Variants in IGFN1 observed in about 807,000 individuals in gnomAD.
The protein encoded by IGFN1 is immunoglobulin like and fibronectin type III domain containing 1.
In IGFN1, 253 loss-of-function variants were observed where a neutral mutation model predicts 289.5. The observed-to-expected ratio is 0.87, with a 90% CI of 0.79 to 0.97. The LOEUF (loss-of-function observed/expected upper bound fraction) is 0.97, where lower values mean the gene tolerates loss of function less well. IGFN1 is among the 50% of genes least tolerant of loss of function. The pLI, the probability that IGFN1 is intolerant of heterozygous loss-of-function variation, is 0.00. For synonymous variants in IGFN1, 1,706 were observed against 1,788.5 expected, an observed-to-expected ratio of 0.95 and a Z score of 1.16; for missense variants, 4,470 against 4,686.1, an observed-to-expected ratio of 0.95 and a Z score of 1.35.
intron 5 of IGFN1, 128 bp downstream of exon 5, chr1:201,197,445 T>A: frequency 3.0e-6 from 2 of 657,708 alleles, no homozygotes; most frequent in Non-Finnish European, 2.7e-6. Flanking sequence ...CTGCCGCTGC[T>A]GCAGCCCCAC....
In IGFN1 at chr1:201,216,483, G is replaced by A. The variant is rs1194224504; in HGVS notation, c.9325G>A (p.Glu3109Lys). The part of the protein sequence containing the change: ...DKPDPPQGPM[E>K]VQDCHRAGVC... ...GCCTGATCCCCCACAAGGCCCCATGGAGGTTCAGGATTGCCATAGGGCTGG... is the reference window on the plus strand; with the variant it reads ...GCCTGATCCCCCACAAGGCCCCATGAAGGTTCAGGATTGCCATAGGGCTGG... The change falls in exon 16 of 24, where the codon GAG becomes AAG. Residue 3109 changes from glutamate to lysine, a missense_variant. Glu to Lys is a moderately conservative substitution (Grantham distance 56). Around this residue, in one of 8 missense-constraint regions of IGFN1, gnomAD observed 2,218 missense variants for 2,114.1 expected, o/e 1.05. Coordinates refer to ENST00000335211, the MANE Select transcript of IGFN1 (RefSeq NM_001164586.2). 2 of 1,593,988 alleles carry A rather than the reference G, an allele frequency of 1.3e-6. No homozygotes were observed. The highest frequency in any genetic ancestry group is 3.4e-5 in the Admixed American group (2 of 58,598).
intron 8 of IGFN1, 111 bp from the exon 9 acceptor site, chr1:201,201,607 GC>G (rs1394889924): frequency 6.5e-6 from 4 of 615,248 alleles, no homozygotes; most frequent in Non-Finnish European, 1.2e-5. Context: ...GCCAATGCAT[GC>G]TCATCTGGAA....
chr1:201,206,344 G>T lies in IGFN1; in HGVS notation c.1451G>T (p.Gly484Val), dbSNP rs1488909229. ...GDKGTADSAW[G>V]PGQEGEGFPV... is the part of the protein sequence containing the mutation. ...AAAGGGACAGCTGACTCAGCCTGGG[G>T]CCCTGGACAGGAGGGCGAGGGCTTT... Residue 484 changes from glycine to valine, a missense_variant, in exon 12 of 24, where the codon GGC (glycine) becomes GTC (valine). By Grantham distance (109) the Gly-to-Val change is moderately radical. Transcript: ENST00000335211. 7 of 1,550,362 alleles carry T rather than the reference G, an allele frequency of 4.5e-6. No homozygotes were observed. The highest frequency in any genetic ancestry group is 6.1e-6 in the Non-Finnish European group (7 of 1,146,996).
intron 18 of IGFN1, among the ~76,000 whole-genome samples, chr1:201,220,068 T>C (rs1653623013): frequency 6.9e-6 from 1 of 145,198 alleles, no homozygotes; most frequent in Admixed American, 6.9e-5. Flanking sequence ...TTCTTTTTTT[T>C]CCTTTCTTTC....
rs747100345 is a variant in IGFN1, at chr1:201,226,017, C to A, written c.10680C>A (p.Gly3560=). The change falls in exon 22 of 24, where the codon GGC becomes GGA. Residue 3560 remains glycine, a synonymous_variant. Transcript: ENST00000335211. The part of the protein sequence containing the change: ...RIHTNRFTLL[G]ILPGHEYHFR... ...ACACCAACCGCTTCACCCTCCTGGG[C>A]ATCCTCCCCGGCCACGAATACCACT... 1.3e-6 allele frequency: 2 copies of A among 1,581,958 alleles called. No individual in the cohort carries two copies. Among genetic ancestry groups the A allele is most frequent in the Non-Finnish European group, 1.7e-6 (2 of 1,161,552 alleles).
At position 201,207,638 on chromosome 1, in the gene IGFN1, G is replaced by A; in HGVS notation, c.2745G>A (p.Gly915=). 6.5e-7 allele frequency: 1 copy of A among 1,537,102 alleles called. No homozygotes were observed. The highest frequency in any genetic ancestry group is 8.7e-7 in the Non-Finnish European group (1 of 1,146,886). ...LGDKKGLRGP[G]SIGSEPDFWN... is the part of the protein sequence containing the mutation. ...ATAAGAAAGGATTAAGAGGTCCTGG[G>A]TCAATAGGGTCTGAACCAGATTTCT... The change falls in exon 12 of 24, where the codon GGG becomes GGA. Residue 915 remains glycine (G), a synonymous_variant. Transcript: ENST00000335211.
intron 9 of IGFN1, 63 bp downstream of exon 9, chr1:201,201,895 G>T (rs530081340): frequency 1.3e-6 from 1 of 792,294 alleles, no homozygotes; most frequent in African/African-American, 1.7e-5. Flanking sequence ...CTAGTGGAGA[G>T]GGAACTATGG....
intron 12 of IGFN1, among the ~76,000 whole-genome samples, chr1:201,213,834 T>A (rs1216678175): frequency 6.6e-6 from 1 of 152,068 alleles, no homozygotes; most frequent in Non-Finnish European, 1.5e-5. Context: ...GGCTCAGAGG[T>A]CTCCTAGGTA....
At chr1:201,222,005 A>G in intron 19 of IGFN1, 1 of 340,292 alleles carries the variant, frequency 2.9e-6, no homozygotes. Flanking sequence ...CTGAGGTTCA[A>G]GGTACTTTGC....
chr1:201,228,441 A>C lies in IGFN1; in HGVS notation c.*42A>C. ...GATGGTCCTGGACCCTTGAAGCTTC[A>C]CTTCCGACACCTGCACTGGCCCGGG... On this transcript the variant is annotated 3_prime_UTR_variant, in exon 24 of 24. Coordinates refer to ENST00000335211, the MANE Select transcript of IGFN1 (RefSeq NM_001164586.2). 6.2e-7 allele frequency: 1 copy of C among 1,606,862 alleles called. No individual in the cohort carries two copies. Among genetic ancestry groups the C allele is most frequent in the South Asian group, 1.1e-5 (1 of 90,962 alleles).
chr1:201,208,451 C>A lies in IGFN1; in HGVS notation c.3558C>A (p.Thr1186=). 14 of 1,446,062 alleles carry A rather than the reference C, an allele frequency of 9.7e-6. No individual in the cohort carries two copies. Among genetic ancestry groups the A allele is most frequent in the Non-Finnish European group, 1.3e-5 (14 of 1,106,622 alleles). The allele number at this position is 1,446,062 out of a possible 1,614,324, so 89.6% of individuals were successfully genotyped here. A position where few individuals can be genotyped will look rare whatever the true frequency, so the allele number is the denominator to read the frequency against. ...SGAGAGYRDD[T]RHPESLAPHN... is the part of the protein sequence containing the mutation. ...CTGGAGCTGGTTATAGGGATGATAC[C>A]AGGCACCCTGAGTCACTCGCACCTC... Residue 1186 remains threonine (T), a synonymous_variant, in exon 12 of 24, where the codon ACC becomes ACA. Transcript: ENST00000335211.
chr1:201,200,101 C>T, intron 7 of IGFN1, 136 bp from the exon 8 acceptor site: 1 of 698,522 alleles, frequency 1.4e-6, no homozygotes. Context: ...GTGGTCAGTC[C>T]CAGAGATTCC....
At chr1:201,222,479 A>C in intron 19 of IGFN1, 1 of 400,772 alleles carries the variant, frequency 2.5e-6, no homozygotes, top group Non-Finnish European at 4.5e-6. Context: ...GTTCCAGCCT[A>C]GTCCACCCCT....
At position 201,217,436 on chromosome 1, in the gene IGFN1, G is replaced by T. The variant is rs759224856; in HGVS notation, c.9745G>T (p.Ala3249Ser). Residue 3249 changes from alanine to serine, a missense_variant, in exon 17 of 24, where the codon GCA becomes TCA. Ala to Ser is a moderately conservative substitution (Grantham distance 99). Transcript: ENST00000335211. Reference sequence around the variant, plus strand: ...TAAGAAGGGGAGCAACACCTGGACGGCAGTGAACGACCAGCCGGTGCCTGG... The same window carrying T: ...TAAGAAGGGGAGCAACACCTGGACGTCAGTGAACGACCAGCCGGTGCCTGG... ...RRKKGSNTWTAVNDQPVPERR... is the reference protein window; with the variant it reads ...RRKKGSNTWTSVNDQPVPERR... 6.2e-7 allele frequency: 1 copy of T among 1,614,168 alleles called. No homozygotes were observed. The highest frequency in any genetic ancestry group is 8.5e-7 in the Non-Finnish European group (1 of 1,180,010).
Position 201,208,357 on chromosome 1 carries a change from C to G in IGFN1, c.3464C>G (p.Ser1155Cys), listed in dbSNP as rs1667539241. 3.4e-6 allele frequency: 5 copies of G among 1,466,648 alleles called. No individual in the cohort carries two copies. Among genetic ancestry groups the G allele is most frequent in the African/African-American group, 1.4e-5 (1 of 70,138 alleles). The allele number at this position is 1,466,648 out of a possible 1,614,324, so 90.9% of individuals were successfully genotyped here. A position where few individuals can be genotyped will look rare whatever the true frequency, so the allele number is the denominator to read the frequency against. ...GGTCCAGGAGCCATGGGACCAGGGTCTCTGAGGGCAGGAAGCAAAGTGGGT... is the reference window on the plus strand; with the variant it reads ...GGTCCAGGAGCCATGGGACCAGGGTGTCTGAGGGCAGGAAGCAAAGTGGGT... ...SGGPGAMGPG[S>C]LRAGSKVGEG... is the part of the protein sequence containing the mutation. The change falls in exon 12 of 24, where the codon TCT (serine) becomes TGT (cysteine). Residue 1155 changes from serine to cysteine, a missense_variant. Physicochemically the swap from Ser to Cys is moderately radical, Grantham distance 112. Around this residue, in one of 8 missense-constraint regions of IGFN1, gnomAD observed 2,011 missense variants for 1,953.4 expected, o/e 1.03. Transcript: ENST00000335211.
In IGFN1 at chr1:201,222,824, T is replaced by A. The variant is rs146807711; in HGVS notation, c.10287T>A (p.Phe3429Leu). ...ACACAGTTCGTGTGCCCGTCTCCTTTGAAGTGAGTGTACCTGCAGGGGTGT... is the reference window on the plus strand; with the variant it reads ...ACACAGTTCGTGTGCCCGTCTCCTTAGAAGTGAGTGTACCTGCAGGGGTGT... Reference protein sequence around the residue: ...VGDTVRVPVSFEAMPMPEVTW... With the variant: ...VGDTVRVPVSLEAMPMPEVTW... The change falls in exon 20 of 24, where the codon TTT becomes TTA. Residue 3429 changes from phenylalanine to leucine, a missense_variant. Around this residue, in one of 8 missense-constraint regions of IGFN1, gnomAD observed 2,218 missense variants for 2,114.1 expected, o/e 1.05. Coordinates refer to ENST00000335211, the MANE Select transcript of IGFN1 (RefSeq NM_001164586.2). The A allele has an allele frequency of 2.5e-6, 4 of 1,610,816 alleles. No individual in the cohort carries two copies. The African/African-American group carries it at 5.3e-5, about 21-fold the overall frequency.
At position 201,208,904 on chromosome 1, in the gene IGFN1, G is replaced by A; in HGVS notation, c.4011G>A (p.Gly1337=). The A allele has an allele frequency of 3.3e-6, 5 of 1,536,596 alleles. No homozygotes were observed. The highest frequency in any genetic ancestry group is 4.4e-6 in the Non-Finnish European group (5 of 1,146,604). Residue 1337 remains glycine (G), a synonymous_variant, in exon 12 of 24, where the codon GGG becomes GGA. Transcript: ENST00000335211. The part of the protein sequence containing the change: ...DLGAPEGISS[G]SKADYRGGLQ... ...GGGCTCCTGAGGGAATAAGTTCAGG[G>A]AGCAAGGCAGATTATAGGGGTGGTT...
chr1:201,209,235 G>C lies in IGFN1; in HGVS notation c.4342G>C (p.Gly1448Arg), dbSNP rs899955431. 2 of 1,484,408 alleles carry C rather than the reference G, an allele frequency of 1.3e-6. No homozygotes were observed. Among genetic ancestry groups the C allele is most frequent in the Non-Finnish European group, 1.8e-6 (2 of 1,127,724 alleles). The allele number at this position is 1,484,408 out of a possible 1,614,324, so 92.0% of individuals were successfully genotyped here. A position where few individuals can be genotyped will look rare whatever the true frequency, so the allele number is the denominator to read the frequency against. The change falls in exon 12 of 24, where the codon GGT (glycine) becomes CGT (arginine). Residue 1448 changes from glycine (G) to arginine (R), a missense_variant. Gly to Arg is a moderately radical substitution (Grantham distance 125). Around this residue, in one of 8 missense-constraint regions of IGFN1, gnomAD observed 2,011 missense variants for 1,953.4 expected, o/e 1.03. Coordinates refer to ENST00000335211, the MANE Select transcript of IGFN1 (RefSeq NM_001164586.2). ...GGCAGGTTATAGGGATGGCTTAAGG[G>C]GTTCTGGAGAAATGAGGTCAATGGA... ...SKAGYRDGLR[G>R]SGEMRSMDEA...
chr1:201,216,154 C>T (rs1653247892), intron 15 of IGFN1: 3 of 616,424 alleles, frequency 4.9e-6, no homozygotes, highest in Non-Finnish European at 5.9e-6. Context: ...GGTAGGACTG[C>T]TCTTGGCCGA....
Sources: allele counts gnomAD v4.1 joint callset (sites outside exome capture counted in the v4.1 genomes callset), GRCh38; gene constraint gnomAD v4.1.1; regional missense constraint gnomAD v4.1.1; transcripts MANE v1.5; gene names NCBI Gene and HGNC (gene_info 2026-07-23, HGNC 2026-07-21).